PDE1A: variants seen among roughly 807,000 people sequenced by gnomAD.
PDE1A encodes dual specificity calcium/calmodulin-dependent 3',5'-cyclic nucleotide phosphodiesterase 1A.
PDE1A carries 35 observed loss-of-function variants against 61.7 expected under a neutral mutation model. The ratio of observed to expected loss-of-function variants is 0.57; its 90% confidence interval spans 0.43 to 0.75. PDE1A has a LOEUF of 0.75. Ranked by LOEUF, PDE1A falls within the 30% of genes least tolerant of loss-of-function variation. PDE1A has a pLI of 0.00. For missense variants in PDE1A, 597 were observed against 630.6 expected, an observed-to-expected ratio of 0.95 and a Z score of 0.57; for synonymous variants, 232 against 213.2, an observed-to-expected ratio of 1.09 and a Z score of -0.77.
At chr2:182,451,883 T>C (rs116330234) in intron 2 of PDE1A, among the ~76,000 whole-genome samples, 144 of 152,190 alleles carry the variant, frequency 9.5e-4, no homozygotes, top group African/African-American at 3.3e-3. Flanking sequence ...TTTCCTTTTT[T>C]CCTTTTTCTC....
chr2:182,424,971 T>C (rs1429690737), intron 1 of PDE1A, among the ~76,000 whole-genome samples: 1 of 152,214 alleles, frequency 6.6e-6, no homozygotes, highest in African/African-American at 2.4e-5. Context: ...GGGCAAAGAA[T>C]CTCAGCTTCC....
At chr2:182,182,520 A>G (rs1248821369) in intron 13 of PDE1A, among the ~76,000 whole-genome samples, 3 of 152,176 alleles carry the variant, frequency 2.0e-5, no homozygotes, top group Non-Finnish European at 4.4e-5. Context: ...CTACCCAAAC[A>G]AAAGCACATT....
intron 2 of PDE1A, among the ~76,000 whole-genome samples, chr2:182,470,259 A>T (rs1226540315): frequency 6.6e-6 from 1 of 151,924 alleles, no homozygotes; most frequent in Admixed American, 6.6e-5. Flanking sequence ...AAAATAGACC[A>T]ACATTTCATA....
intron 1 of PDE1A, among the ~76,000 whole-genome samples, chr2:182,299,083 A>G (rs147431387): frequency 2.0e-4 from 31 of 152,150 alleles, no homozygotes; most frequent in African/African-American, 7.0e-4. Context: ...TAGAGTATCA[A>G]TTCCCCAATA....
At chr2:182,566,760 C>T in the PDE1A span, among the ~76,000 whole-genome samples, 4 of 152,018 alleles carry the variant, frequency 2.6e-5, no homozygotes, top group Non-Finnish European at 4.4e-5. Flanking sequence ...CCTTTCTTAA[C>T]ATTCTAAGAC....
the PDE1A span, among the ~76,000 whole-genome samples, chr2:182,531,950 T>A: frequency 6.6e-6 from 1 of 152,182 alleles, no homozygotes; most frequent in African/African-American, 2.4e-5. Context: ...ACATGTTGTA[T>A]TTGGTTTTCT....
intron 1 of PDE1A, among the ~76,000 whole-genome samples, chr2:182,420,925 A>T (rs887582122): frequency 2.0e-5 from 3 of 152,178 alleles, no homozygotes; most frequent in African/African-American, 7.2e-5. Flanking sequence ...ATACATAAAT[A>T]AACTGAAGCT....
At chr2:182,292,954 A>G (rs1694635017) in intron 1 of PDE1A, among the ~76,000 whole-genome samples, 1 of 152,120 alleles carries the variant, frequency 6.6e-6, no homozygotes, top group Admixed American at 6.6e-5. Context: ...TCAGTATATC[A>G]TACATAAAAA....
chr2:182,443,848 C>T (rs532753763), intron 2 of PDE1A, among the ~76,000 whole-genome samples: 4 of 151,918 alleles, frequency 2.6e-5, no homozygotes, highest in South Asian at 4.1e-4. Flanking sequence ...GGATTACAGG[C>T]ATGCGCCACC....
At chr2:182,349,063 C>A (rs922234350) in intron 1 of PDE1A, among the ~76,000 whole-genome samples, 5 of 152,158 alleles carry the variant, frequency 3.3e-5, no homozygotes, top group African/African-American at 1.2e-4. Flanking sequence ...ATAGTGATTT[C>A]AGTCTCAGGA....
At chr2:182,533,198 C>G in the PDE1A span, among the ~76,000 whole-genome samples, 15 of 151,678 alleles carry the variant, frequency 9.9e-5, no homozygotes, top group Admixed American at 3.9e-4. Context: ...GTAATTCCAG[C>G]TATTTGGCAG....
At chr2:182,156,589 T>G (rs562895566) in intron 13 of PDE1A, among the ~76,000 whole-genome samples, 4 of 152,242 alleles carry the variant, frequency 2.6e-5, no homozygotes, top group African/African-American at 4.8e-5. Flanking sequence ...ATTTTTCATC[T>G]TCCTTCTCTA....
chr2:182,583,685 C>A, the PDE1A span, among the ~76,000 whole-genome samples: 1 of 152,154 alleles, frequency 6.6e-6, no homozygotes, highest in Non-Finnish European at 1.5e-5. Context: ...GTCTTCCTTG[C>A]CTGTTTAACT....
At chr2:182,697,180 A>C in the PDE1A span, among the ~76,000 whole-genome samples, 1 of 152,148 alleles carries the variant, frequency 6.6e-6, no homozygotes, top group Non-Finnish European at 1.5e-5. Context: ...CTAAAATACA[A>C]ATGTACTTGG....
At chr2:182,323,882 C>A (rs1241275601) in intron 1 of PDE1A, among the ~76,000 whole-genome samples, 4 of 152,282 alleles carry the variant, frequency 2.6e-5, no homozygotes, top group Admixed American at 2.6e-4. Context: ...TGTTGCCACA[C>A]CATCCAAGGC....
intron 1 of PDE1A, among the ~76,000 whole-genome samples, chr2:182,285,884 A>G (rs1296273829): frequency 1.3e-5 from 2 of 152,120 alleles, no homozygotes; most frequent in African/African-American, 4.8e-5. Flanking sequence ...AACAAATACT[A>G]TTATAAATCA....
chr2:182,166,431 C>T (rs904967111), downstream of PDE1A, among the ~76,000 whole-genome samples: 1 of 152,152 alleles, frequency 6.6e-6, no homozygotes, highest in African/African-American at 2.4e-5. Context: ...TCCTCCTTCC[C>T]TTGGACATTC....
intron 1 of PDE1A, among the ~76,000 whole-genome samples, chr2:182,345,776 A>T (rs1698484426): frequency 6.6e-6 from 1 of 151,734 alleles, no homozygotes; most frequent in Non-Finnish European, 1.5e-5. Flanking sequence ...CATCAAGGCC[A>T]CTCTGACCAC....
At chr2:182,508,959 C>T (rs971555021) in intron 2 of PDE1A, among the ~76,000 whole-genome samples, 2 of 146,094 alleles carry the variant, frequency 1.4e-5, no homozygotes, top group African/African-American at 4.9e-5. Context: ...ATCCCTCCCC[C>T]CTACCCCCAG....
Sources: allele counts gnomAD v4.1 joint callset (sites outside exome capture counted in the v4.1 genomes callset), GRCh38; gene constraint gnomAD v4.1.1; transcripts MANE v1.5; gene names NCBI Gene and HGNC (gene_info 2026-07-23, HGNC 2026-07-21).